NCOA2: variants seen among roughly 807,000 people sequenced by gnomAD.
NCOA2 encodes nuclear receptor coactivator 2.
In NCOA2, 21 loss-of-function variants were observed where a neutral mutation model predicts 145.1. That is an observed-to-expected ratio of 0.14 (90% confidence interval 0.10 to 0.21). The LOEUF (loss-of-function observed/expected upper bound fraction) is 0.21, where lower values mean the gene tolerates loss of function less well. NCOA2 is among the 10% of genes least tolerant of loss of function. NCOA2 has a pLI of 1.00. For missense variants in NCOA2, 1,472 were observed against 1,837.6 expected, an observed-to-expected ratio of 0.80 and a Z score of 3.64; for synonymous variants, 619 against 637.5, an observed-to-expected ratio of 0.97 and a Z score of 0.44.
intron 1 of NCOA2, among the ~76,000 whole-genome samples, chr8:70,400,330 A>G (rs904320834): frequency 3.9e-5 from 6 of 152,186 alleles, no homozygotes; most frequent in Non-Finnish European, 7.4e-5. Context: ...AGAGCACACA[A>G]TGGAATCACA....
intron 1 of NCOA2, among the ~76,000 whole-genome samples, chr8:70,378,743 TAAAAAAA>T (rs10672044): frequency 2.7e-5 from 3 of 109,880 alleles, no homozygotes; most frequent in African/African-American, 9.9e-5. Context: ...TAGGCTATGC[TAAAAAAA>T]AAAAAAAAAA....
the NCOA2 span, among the ~76,000 whole-genome samples, chr8:70,421,127 C>G: frequency 6.6e-6 from 1 of 152,010 alleles, no homozygotes; most frequent in Non-Finnish European, 1.5e-5. Flanking sequence ...ACAAAAAATA[C>G]TGTGTAGGCA....
the NCOA2 span, among the ~76,000 whole-genome samples, chr8:70,417,099 A>G: frequency 1.3e-5 from 2 of 152,008 alleles, no homozygotes; most frequent in South Asian, 4.2e-4. Flanking sequence ...ATGTGGTTGT[A>G]GCTAGTACTT....
intron 4 of NCOA2, among the ~76,000 whole-genome samples, chr8:70,212,707 TA>T (rs1449434188): frequency 6.6e-6 from 1 of 152,194 alleles, no homozygotes; most frequent in Non-Finnish European, 1.5e-5. Context: ...ACAAAGATAT[TA>T]TTTTTATGAA....
rs1216198050 is a variant in NCOA2 at position 70,156,747 on chromosome 8, G to C, written c.1618C>G (p.Leu540Val). The change falls in exon 11 of 23, where the codon CTC becomes GTC. Residue 540 changes from leucine to valine, a missense_variant. By Grantham distance (32) the Leu-to-Val change is conservative (BLOSUM62 1). Transcript: ENST00000452400. ...AATGAGACCCCGTGCCCCTCGCTGAGGGCCTGAAGTGCATTGAGGGAGCTG... is the reference window on the plus strand; with the variant it reads ...AATGAGACCCCGTGCCCCTCGCTGACGGCCTGAAGTGCATTGAGGGAGCTG... ...TNSSLNALQA[L>V]SEGHGVSLGS... is the part of the protein sequence containing the mutation. The C allele has an allele frequency of 6.2e-7, 1 of 1,613,892 alleles. No homozygotes were observed. Among genetic ancestry groups the C allele is most frequent in the Non-Finnish European group, 8.5e-7 (1 of 1,179,902 alleles).
At chr8:70,197,967 T>A (rs1483605138) in intron 4 of NCOA2, among the ~76,000 whole-genome samples, 1 of 152,108 alleles carries the variant, frequency 6.6e-6, no homozygotes, top group East Asian at 1.9e-4. Context: ...CCCATTTAAT[T>A]TTTTTTTATT....
chr8:70,176,195 G>A (rs1193481146), intron 4 of NCOA2, among the ~76,000 whole-genome samples: 3 of 152,232 alleles, frequency 2.0e-5, no homozygotes, highest in African/African-American at 7.2e-5. Context: ...TAGCATATCT[G>A]TATTGATTAG....
intron 4 of NCOA2, among the ~76,000 whole-genome samples, chr8:70,179,828 A>G (rs1815275607): frequency 6.6e-6 from 1 of 152,250 alleles, no homozygotes. Context: ...AAATCAGAGA[A>G]AGAGATGATA....
intron 4 of NCOA2, among the ~76,000 whole-genome samples, chr8:70,207,229 C>T (rs796195628): frequency 4.6e-5 from 7 of 152,308 alleles, no homozygotes; most frequent in African/African-American, 1.7e-4. Flanking sequence ...AATTTCTTTT[C>T]ATACAAGTAC....
chr8:70,171,395 T>C (rs560547909), intron 5 of NCOA2, among the ~76,000 whole-genome samples: 1 of 152,244 alleles, frequency 6.6e-6, no homozygotes, highest in Non-Finnish European at 1.5e-5. Flanking sequence ...CCAAAGCTCA[T>C]GCTTTGATGA....
At position 70,374,845 on chromosome 8, in the gene NCOA2, T is replaced by TA. The variant is rs529712475; in HGVS notation, c.-77+28854dup. The stretch of plus-strand genomic sequence containing the variant: ...AGTGAAAGCATATATGCCGATACGT[T>TA]AAAAAAAAGTCTTTCTAAAAGATGA... On this transcript the variant is annotated intron_variant, in intron 1 of 22. Transcript: ENST00000452400. Among the ~76,000 whole-genome samples, 89 of 151,080 alleles carry TA rather than the reference T, an allele frequency of 5.9e-4. No homozygotes were observed. In the East Asian group the frequency reaches 0.011, roughly 19 times the overall value.
At chr8:70,236,106 C>T (rs1318186460) in intron 2 of NCOA2, among the ~76,000 whole-genome samples, 1 of 152,152 alleles carries the variant, frequency 6.6e-6, no homozygotes, top group Non-Finnish European at 1.5e-5. Context: ...TGAACATCCT[C>T]CTTATACTTC....
At chr8:70,140,035 A>T (rs192080092) in intron 14 of NCOA2, among the ~76,000 whole-genome samples, 4 of 152,354 alleles carry the variant, frequency 2.6e-5, no homozygotes, top group African/African-American at 9.6e-5. Flanking sequence ...CTAACATGTC[A>T]ATGATAAAGG....
chr8:70,427,487 A>G, the NCOA2 span, among the ~76,000 whole-genome samples: 1 of 146,768 alleles, frequency 6.8e-6, no homozygotes, highest in African/African-American at 2.6e-5. Flanking sequence ...AAATTTCCTC[A>G]GATTATCTAT....
chr8:70,404,095 G>A (rs1320999764), upstream of NCOA2, among the ~76,000 whole-genome samples: 1 of 152,224 alleles, frequency 6.6e-6, no homozygotes, highest in African/African-American at 2.4e-5. Context: ...TGGCCGCGGG[G>A]TCCGCAGCAT....
At chr8:70,349,099 A>T (rs144063713) in intron 1 of NCOA2, among the ~76,000 whole-genome samples, 23 of 152,242 alleles carry the variant, frequency 1.5e-4, no homozygotes, top group Middle Eastern at 6.8e-3. Flanking sequence ...AAGGTTATTC[A>T]GTTCACTGGA....
At chr8:70,171,366 A>G (rs1455994214) in intron 5 of NCOA2, among the ~76,000 whole-genome samples, 1 of 152,220 alleles carries the variant, frequency 6.6e-6, no homozygotes, top group African/African-American at 2.4e-5. Flanking sequence ...CTTGAATGTG[A>G]ATCCAGAAGG....
chr8:70,372,466 C>G (rs1811307547), intron 1 of NCOA2, among the ~76,000 whole-genome samples: 1 of 152,148 alleles, frequency 6.6e-6, no homozygotes, highest in Non-Finnish European at 1.5e-5. Context: ...ACCCCACCAA[C>G]CCAAAATCCT....
At chr8:70,311,450 GA>G (rs1406994965) in intron 1 of NCOA2, among the ~76,000 whole-genome samples, 7 of 151,844 alleles carry the variant, frequency 4.6e-5, no homozygotes, top group African/African-American at 1.7e-4. Context: ...ATGCAAAAAA[GA>G]AAAAAATTAT....
Sources: gnomAD v4.1 joint callset for allele counts (sites outside exome capture counted in the v4.1 genomes callset) on GRCh38, gnomAD v4.1.1 for gene constraint, MANE v1.5 for transcripts, NCBI Gene and HGNC (gene_info 2026-07-23, HGNC 2026-07-21) for gene names.